SPHKAP: variants seen among roughly 807,000 people sequenced by gnomAD.
SPHKAP encodes SPHK1 interactor, AKAP domain containing.
In SPHKAP, 67 loss-of-function variants were observed where a neutral mutation model predicts 137.5. That is an observed-to-expected ratio of 0.49 (90% CI 0.40 to 0.60). The LOEUF (loss-of-function observed/expected upper bound fraction) is 0.60. Among genes scored for constraint, SPHKAP ranks in the 20% least tolerant of loss-of-function variants. The probability of loss-of-function intolerance (pLI) is 0.00; values close to 1 mark genes in which losing one functional copy is unlikely to be tolerated. For missense variants in SPHKAP, 2,097 were observed against 2,069.3 expected, an observed-to-expected ratio of 1.01 and a Z score of -0.26; for synonymous variants, 813 against 785.3, an observed-to-expected ratio of 1.04 and a Z score of -0.59.
chr2:228,018,081 A>T lies in SPHKAP; in HGVS notation c.2773T>A (p.Cys925Ser), dbSNP rs1264774713. 1.2e-6 allele frequency: 2 copies of T among 1,614,056 alleles called. No homozygotes were observed. The highest frequency in any genetic ancestry group is 2.7e-5 in the African/African-American group (2 of 74,938). Reference protein sequence around the residue: ...TLQTKHPDIYCITDFAEELAD... With the variant: ...TLQTKHPDIYSITDFAEELAD... Reference sequence around the variant, plus strand: ...AATTCTTCCGCAAAGTCTGTAATGCAGTAGATGTCTGGATGCTTTGTTTGA... The same window carrying T: ...AATTCTTCCGCAAAGTCTGTAATGCTGTAGATGTCTGGATGCTTTGTTTGA... The change falls in exon 7 of 12, where the codon TGC becomes AGC. Residue 925 changes from cysteine to serine, a missense_variant. Cys to Ser is a moderately radical substitution (Grantham distance 112). Coordinates refer to ENST00000392056, the MANE Select transcript of SPHKAP (RefSeq NM_001142644.2).
chr2:227,998,754 T>C (rs779354363), intron 7 of SPHKAP, among the ~76,000 whole-genome samples: 2 of 152,214 alleles, frequency 1.3e-5, no homozygotes, highest in Non-Finnish European at 2.9e-5. Context: ...CCGGGTTTCC[T>C]GCAGGATGTG....
At chr2:228,047,436 A>C (rs1424063240) in intron 3 of SPHKAP, among the ~76,000 whole-genome samples, 1 of 151,468 alleles carries the variant, frequency 6.6e-6, no homozygotes, top group Non-Finnish European at 1.5e-5. Flanking sequence ...ATTGCACTCC[A>C]GCCTGGGCAA....
In SPHKAP at chr2:227,981,889, C is replaced by T. The variant is rs533939171; in HGVS notation, c.4960-29G>A. 478 of 1,602,944 alleles carry T rather than the reference C, an allele frequency of 3.0e-4. 9 individuals are homozygous for T. The South Asian group carries it at 4.9e-3, about 17-fold the overall frequency. On this transcript the variant is annotated intron_variant, in intron 11 of 11. Coordinates refer to ENST00000392056, the MANE Select transcript of SPHKAP (RefSeq NM_001142644.2). ...AAATAAAACGGAGAGTTAGGGCTCACAGAGCACAGAGGGTCCTCAAAGCCA... is the reference window on the plus strand; with the variant it reads ...AAATAAAACGGAGAGTTAGGGCTCATAGAGCACAGAGGGTCCTCAAAGCCA...
intron 3 of SPHKAP, among the ~76,000 whole-genome samples, chr2:228,060,874 A>G (rs535328999): frequency 6.6e-4 from 100 of 152,264 alleles, no homozygotes; most frequent in Non-Finnish European, 1.2e-3. Context: ...TGTGAGTATA[A>G]TGGGTGACCG....
At chr2:227,991,633 T>C in intron 9 of SPHKAP, 1 of 985,448 alleles carries the variant, frequency 1.0e-6, no homozygotes, top group Non-Finnish European at 1.2e-6. Context: ...CCATAAACTT[T>C]CATAGGTTTA....
At chr2:228,013,317 T>C (rs1694457640) in intron 7 of SPHKAP, among the ~76,000 whole-genome samples, 1 of 152,194 alleles carries the variant, frequency 6.6e-6, no homozygotes, top group Non-Finnish European at 1.5e-5. Flanking sequence ...AGAGGCACGA[T>C]CTCGGCTCAC....
chr2:228,148,057 G>A (rs1012226220), intron 1 of SPHKAP, among the ~76,000 whole-genome samples: 4 of 152,256 alleles, frequency 2.6e-5, no homozygotes, highest in South Asian at 2.1e-4. Context: ...AGAATACAAC[G>A]TGCTTTTGTC....
At chr2:228,062,234 C>T (rs529394589) in intron 3 of SPHKAP, among the ~76,000 whole-genome samples, 104 of 151,468 alleles carry the variant, frequency 6.9e-4, no homozygotes, top group African/African-American at 2.3e-3. Flanking sequence ...GAACAATTCT[C>T]CTGCTTCAGC....
intron 1 of SPHKAP, among the ~76,000 whole-genome samples, chr2:228,180,250 A>G (rs1700862798): frequency 6.6e-6 from 1 of 152,110 alleles, no homozygotes; most frequent in South Asian, 2.1e-4. Context: ...CCCCGCAGCG[A>G]AGGGACGCTT....
chr2:228,093,859 CAAAAAAAAAA>C (rs11336381), intron 3 of SPHKAP, among the ~76,000 whole-genome samples: 2 of 77,110 alleles, frequency 2.6e-5, no homozygotes, highest in Non-Finnish European at 4.7e-5. Flanking sequence ...GACTCCGTTT[CAAAAAAAAAA>C]AAAAAAAAAA....
intron 3 of SPHKAP, among the ~76,000 whole-genome samples, chr2:228,098,182 A>G (rs890691676): frequency 6.6e-6 from 1 of 152,016 alleles, no homozygotes; most frequent in Non-Finnish European, 1.5e-5. Context: ...CATTCTGACT[A>G]GTGTGAGATG....
In SPHKAP at chr2:228,063,174, ATCTGTCTG is replaced by A. The variant is rs1553536379; in HGVS notation, c.247-35639_247-35632del. On this transcript the variant is annotated intron_variant, in intron 3 of 11. Transcript: ENST00000392056. ...TATCTATCTATCTATCTATCTATCT[ATCTGTCTG>A]TCTGTCTGTCTGTCTATCTATCTAT... is the stretch of plus-strand genomic sequence containing the variant. Among the ~76,000 whole-genome samples the A allele has an allele frequency of 1.8e-4, 26 of 147,288 alleles. No individual in the cohort carries two copies. The South Asian group carries it at 1.8e-3, about 10-fold the overall frequency.
chr2:228,033,470 C>A (rs889192318), intron 3 of SPHKAP, among the ~76,000 whole-genome samples: 1 of 152,094 alleles, frequency 6.6e-6, no homozygotes, highest in African/African-American at 2.4e-5. Context: ...GACAGATCAA[C>A]GAGACAGAAA....
intron 1 of SPHKAP, among the ~76,000 whole-genome samples, chr2:228,175,470 T>G (rs993849065): frequency 2.0e-5 from 3 of 152,172 alleles, no homozygotes; most frequent in Non-Finnish European, 4.4e-5. Flanking sequence ...AGTGGTATGT[T>G]AAAATTTGAA....
chr2:228,067,664 C>T (rs954503641), intron 3 of SPHKAP, among the ~76,000 whole-genome samples: 3 of 152,022 alleles, frequency 2.0e-5, no homozygotes, highest in Non-Finnish European at 4.4e-5. Flanking sequence ...TGAGCAGGTA[C>T]AGGTAAGATT....
At chr2:228,139,910 T>TTTCTTTCTTTC (rs1699543395) in intron 1 of SPHKAP, among the ~76,000 whole-genome samples, 1 of 137,532 alleles carries the variant, frequency 7.3e-6, no homozygotes, top group Admixed American at 7.9e-5. Context: ...TCTTTATTTA[T>TTTCTTTCTTTC]TTTCTTTCTT....
chr2:228,043,685 T>G (rs1407096604), intron 3 of SPHKAP, among the ~76,000 whole-genome samples: 3 of 152,178 alleles, frequency 2.0e-5, no homozygotes, highest in African/African-American at 4.8e-5. Context: ...AAAATCTTCC[T>G]CAGGTACAAT....
chr2:228,043,621 T>G (rs541833406), intron 3 of SPHKAP, among the ~76,000 whole-genome samples: 1 of 152,122 alleles, frequency 6.6e-6, no homozygotes, highest in Non-Finnish European at 1.5e-5. Flanking sequence ...GCCACTGCAC[T>G]TGGCCAAGGA....
chr2:227,980,146 A>C lies in SPHKAP; in HGVS notation c.*1571T>G, dbSNP rs1692946190. The C allele has an allele frequency of 6.5e-6, 1 of 152,682 alleles. No individual in the cohort carries two copies. The highest frequency in any genetic ancestry group is 1.5e-5 in the Non-Finnish European group (1 of 68,044). The allele number at this position is 152,682 out of a possible 1,614,324, so 9.5% of individuals were successfully genotyped here. A position where few individuals can be genotyped will look rare whatever the true frequency, so the allele number is the denominator to read the frequency against. Reference sequence around the variant, plus strand: ...TATTCTATTCCATTTGATAGCACAAAGAAGCACATTTCAGCGTGAATTGAT... The same window carrying C: ...TATTCTATTCCATTTGATAGCACAACGAAGCACATTTCAGCGTGAATTGAT... On this transcript the variant is annotated 3_prime_UTR_variant, in exon 12 of 12. Transcript: ENST00000392056.
Sources: allele counts gnomAD v4.1 joint callset (sites outside exome capture counted in the v4.1 genomes callset), GRCh38; gene constraint gnomAD v4.1.1; transcripts MANE v1.5; gene names NCBI Gene and HGNC (gene_info 2026-07-23, HGNC 2026-07-21).